The following FAM120B variants were observed in gnomAD, a reference collection of about 807,000 sequenced individuals.
FAM120B encodes family with sequence similarity 120 member B.
Under a neutral mutation model 96.3 loss-of-function variants are expected in FAM120B, and 83 were observed. The ratio of observed to expected loss-of-function variants is 0.86; its 90% confidence interval spans 0.72 to 1.03. The LOEUF (loss-of-function observed/expected upper bound fraction) is 1.03. Ranked by LOEUF, FAM120B falls within the 50% of genes least tolerant of loss-of-function variation. The pLI is 0.00. For synonymous variants in FAM120B, 407 were observed against 402.7 expected (o/e 1.01, Z -0.13); for missense variants, 1,027 against 1,121.2 (o/e 0.92, Z 1.20).
At chr6:170,345,270 A>G (rs554593998) in intron 4 of FAM120B, among the ~76,000 whole-genome samples, 1 of 152,128 alleles carries the variant, frequency 6.6e-6, no homozygotes, top group Non-Finnish European at 1.5e-5. Context: ...AAATTTATTA[A>G]TGCCCTGCCC....
chr6:170,401,013 G>T (rs1257394060), intron 9 of FAM120B, among the ~76,000 whole-genome samples: 1 of 152,212 alleles, frequency 6.6e-6, no homozygotes, highest in African/African-American at 2.4e-5. Context: ...ACAGGAAGCA[G>T]CTTTCTTCCG....
At chr6:170,300,768 G>A (rs145939706) in intron 1 of FAM120B, among the ~76,000 whole-genome samples, 2 of 152,322 alleles carry the variant, frequency 1.3e-5, no homozygotes, top group East Asian at 3.9e-4. Context: ...CAATAGGGCA[G>A]TCATTAAACC....
In FAM120B at chr6:170,344,415, C is replaced by G. The variant is rs1329092692; in HGVS notation, c.2018-3736C>G. Among the ~76,000 whole-genome samples the G allele has an allele frequency of 1.2e-4, 13 of 106,638 alleles. No homozygotes were observed. In the East Asian group the frequency reaches 4.2e-3, roughly 35 times the overall value. The allele number at this position is 106,638 out of a possible 152,430, so 70.0% of individuals were successfully genotyped here. On this transcript the variant is annotated intron_variant, in intron 4 of 10. Transcript: ENST00000476287. The stretch of plus-strand genomic sequence containing the variant: ...TAGCCTCTCTCTGGTTCCTGAGCAG[C>G]CCCACCTTGGAAGAACGGATGAAAT...
chr6:170,337,772 T>G (rs1421367161), intron 4 of FAM120B, among the ~76,000 whole-genome samples: 2 of 152,222 alleles, frequency 1.3e-5, no homozygotes, highest in African/African-American at 2.4e-5. Flanking sequence ...GGTGTATGTG[T>G]CCAGGAATTT....
Position 170,348,167 on chromosome 6 carries a change from G to T in FAM120B, c.2034G>T (p.Leu678Phe). 2 of 1,613,688 alleles carry T rather than the reference G, an allele frequency of 1.2e-6. No individual in the cohort carries two copies. Among genetic ancestry groups the T allele is most frequent in the Non-Finnish European group, 1.7e-6 (2 of 1,179,824 alleles). The change falls in exon 5 of 11, where the codon TTG (leucine) becomes TTT (phenylalanine). Residue 678 changes from leucine (L) to phenylalanine (F), a missense_variant. By Grantham distance (22) the Leu-to-Phe change is conservative (BLOSUM62 0). Transcript: ENST00000476287. ...QMTIPGGTPS[L>F]KILWLNQEPE... ...CTTAACTAGGGGGAACGCCTAGTTT[G>T]AAAATATTATGGCTGAACCAAGAGC...
At chr6:170,322,994 A>G in intron 2 of FAM120B, 85 bp from the exon 3 acceptor site, 2 of 1,167,516 alleles carry the variant, frequency 1.7e-6, no homozygotes, top group Non-Finnish European at 2.4e-6. Flanking sequence ...AAACTGGCAT[A>G]TGATGAAAGG....
intron 6 of FAM120B, among the ~76,000 whole-genome samples, chr6:170,386,142 G>T (rs911709719): frequency 4.6e-5 from 7 of 152,142 alleles, no homozygotes; most frequent in African/African-American, 1.7e-4. Context: ...TGTCAGTGTG[G>T]GTTTGCCGAT....
intron 7 of FAM120B, 151 bp downstream of exon 7, chr6:170,388,644 G>C (rs1251086510): frequency 5.9e-6 from 4 of 675,236 alleles, no homozygotes; most frequent in East Asian, 2.7e-5. Flanking sequence ...GAAGCATTAG[G>C]CTTCTGCATC....
Position 170,388,160 on chromosome 6 carries a change from A to G in FAM120B, c.2284-127A>G, listed in dbSNP as rs1231845983. 1.8e-5 allele frequency: 14 copies of G among 759,002 alleles called. No homozygotes were observed. In the East Asian group the frequency reaches 3.2e-4, roughly 17 times the overall value. 47.0% of individuals were successfully genotyped at this position (759,002 alleles called of 1,614,324 possible). A position where few individuals can be genotyped will look rare whatever the true frequency, so the allele number is the denominator to read the frequency against. On this transcript the variant is annotated intron_variant, in intron 6 of 10. Transcript: ENST00000476287. ...GAAGCTCAGCTTTGAGGATGCAGCT[A>G]TGGTGATGCTGTCCAGTTACTGAGT...
At chr6:170,349,796 C>G (rs1787456516) in intron 5 of FAM120B, among the ~76,000 whole-genome samples, 1 of 152,166 alleles carries the variant, frequency 6.6e-6, no homozygotes, top group Non-Finnish European at 1.5e-5. Flanking sequence ...AATTCAGCAC[C>G]TTCAACTGAA....
In FAM120B at chr6:170,317,544, T is replaced by C; in HGVS notation, c.154T>C (p.Trp52Arg). 6.2e-7 allele frequency: 1 copy of C among 1,614,218 alleles called. No individual in the cohort carries two copies. The highest frequency in any genetic ancestry group is 2.2e-5 in the East Asian group (1 of 44,888). ...TGATGCCATGTGTTGTCTCAGATAT[T>C]GGTATACTCCAGAATCTTGGATCTG... ...VVDAMCCLRY[W>R]YTPESWICGG... Residue 52 changes from tryptophan to arginine, a missense_variant, in exon 2 of 11, where the codon TGG becomes CGG. Around this residue, in one of 3 missense-constraint regions of FAM120B, gnomAD observed 880 missense variants for 980.9 expected, o/e 0.90. Coordinates refer to ENST00000476287, the MANE Select transcript of FAM120B (RefSeq NM_032448.3).
rs1425560303 is a variant in FAM120B at position 170,391,908 on chromosome 6, T to C, written c.2599+787T>C. Among the ~76,000 whole-genome samples the C allele has an allele frequency of 5.9e-5, 9 of 152,208 alleles. No homozygotes were observed. The East Asian group carries it at 1.7e-3, about 29-fold the overall frequency. Reference sequence around the variant, plus strand: ...GCAGTTTGCATCCTGCTTTCCCACTTAGCACTTAACTTAGGGCGTTAACAC... The same window carrying C: ...GCAGTTTGCATCCTGCTTTCCCACTCAGCACTTAACTTAGGGCGTTAACAC... On this transcript the variant is annotated intron_variant, in intron 8 of 10. Transcript: ENST00000476287.
intron 6 of FAM120B, among the ~76,000 whole-genome samples, chr6:170,384,469 G>C (rs367666481): frequency 6.6e-6 from 1 of 152,168 alleles, no homozygotes; most frequent in Non-Finnish European, 1.5e-5. Flanking sequence ...AAGCTGTTCC[G>C]TGCAGCTGCT....
chr6:170,380,192 T>C (rs145231856), intron 6 of FAM120B, among the ~76,000 whole-genome samples: 7 of 152,344 alleles, frequency 4.6e-5, no homozygotes, highest in African/African-American at 1.7e-4. Context: ...TTTTCTTTTT[T>C]TTTTAGTAGC....
In FAM120B at chr6:170,295,562, G is replaced by A. The variant is rs938143474; in HGVS notation, c.48+109G>A. ...CGGGCAGCTCTGCGCGAAGGTGGGCGACGGTGGGGGCACAAGAACAGCAGC... is the reference window on the plus strand; with the variant it reads ...CGGGCAGCTCTGCGCGAAGGTGGGCAACGGTGGGGGCACAAGAACAGCAGC... On this transcript the variant is annotated intron_variant, in intron 1 of 10. Coordinates refer to the FAM120B transcript ENST00000537664. This position sits in a 1 kb window ranked among gnomAD's most constrained non-coding sequence, Gnocchi z 7.8. The A allele has an allele frequency of 2.9e-5, 17 of 577,330 alleles. No homozygotes were observed. Among genetic ancestry groups the A allele is most frequent in the Non-Finnish European group, 4.5e-5 (15 of 330,876 alleles). 35.8% of individuals were successfully genotyped at this position (577,330 alleles called of 1,614,324 possible).
chr6:170,317,374 T>G lies in FAM120B; in HGVS notation c.-17T>G, dbSNP rs761133308. The G allele has an allele frequency of 7.5e-6, 12 of 1,595,932 alleles. No homozygotes were observed. Among genetic ancestry groups the G allele is most frequent in the Non-Finnish European group, 1.0e-5 (12 of 1,165,914 alleles). ...TTAATTTATCTTTCTTTCCAGATCC[T>G]TTCCCGGAGTTCAGTTATGGGTGTG... On this transcript the variant is annotated 5_prime_UTR_variant, in exon 2 of 11. Transcript: ENST00000476287.
rs1006694191 is a variant in FAM120B at position 170,295,655 on chromosome 6, A to G, written c.48+202A>G. ...CCGCTGGCCGCGGCTGCGCCGCTGG[A>G]GACCCGGCGAGTGACTTCCCCGGTG... On this transcript the variant is annotated intron_variant, in intron 1 of 10. Coordinates refer to the FAM120B transcript ENST00000537664. The surrounding 1 kb of genome is among the most constrained non-coding windows in gnomAD (Gnocchi z 7.8). Among the ~76,000 whole-genome samples the G allele has an allele frequency of 1.3e-5, 2 of 152,006 alleles. No homozygotes were observed. The highest frequency in any genetic ancestry group is 4.8e-5 in the African/African-American group (2 of 41,376).
chr6:170,393,098 G>C (rs577436597), intron 8 of FAM120B, among the ~76,000 whole-genome samples: 1 of 147,016 alleles, frequency 6.8e-6, no homozygotes, highest in East Asian at 1.9e-4. Context: ...AATCACTTAA[G>C]GCCAGGAGTT....
At chr6:170,379,903 A>C (rs190766597) in intron 6 of FAM120B, among the ~76,000 whole-genome samples, 7 of 152,214 alleles carry the variant, frequency 4.6e-5, no homozygotes, top group Non-Finnish European at 1.0e-4. Context: ...TTTTCGGTAT[A>C]CAGTAGAGTG....
Sources: gnomAD v4.1 joint callset for allele counts (sites outside exome capture counted in the v4.1 genomes callset) on GRCh38, gnomAD v4.1.1 for gene constraint, gnomAD v4.1.1 regional missense constraint, Gnocchi (gnomAD v3.1) non-coding constraint, MANE v1.5 for transcripts, NCBI Gene and HGNC (gene_info 2026-07-23, HGNC 2026-07-21) for gene names.